The following GALNT14 variants were observed in gnomAD, a reference collection of about 807,000 sequenced individuals.
The protein encoded by GALNT14 is UDP-GalNAc:polypeptide N-acetylgalactosaminyltransferase 14.
A neutral mutation model predicts 77.5 loss-of-function variants in GALNT14; 60 were observed. The observed-to-expected ratio is 0.77, with a 90% CI of 0.63 to 0.96. GALNT14 has a LOEUF of 0.96. GALNT14 is among the 40% of genes least tolerant of loss of function. GALNT14 has a pLI of 0.00. For synonymous variants in GALNT14, 280 were observed against 281.7 expected (o/e 0.99, Z 0.06); for missense variants, 710 against 731.0 (o/e 0.97, Z 0.33).
At chr2:31,038,468 T>G (rs1672901055) in intron 1 of GALNT14, among the ~76,000 whole-genome samples, 1 of 151,514 alleles carries the variant, frequency 6.6e-6, no homozygotes, top group Non-Finnish European at 1.5e-5. Context: ...CCTGGTTAAA[T>G]AAAGAGAAGC....
chr2:31,085,494 A>C (rs1676383535), intron 1 of GALNT14, among the ~76,000 whole-genome samples: 1 of 152,270 alleles, frequency 6.6e-6, no homozygotes, highest in Admixed American at 6.5e-5. Context: ...CAGGAGGCAC[A>C]TGGAGTAGGC....
intron 10 of GALNT14, among the ~76,000 whole-genome samples, chr2:30,929,939 C>T (rs1558414017): frequency 6.6e-6 from 1 of 152,164 alleles, no homozygotes; most frequent in Non-Finnish European, 1.5e-5. Context: ...TGTCTACCTG[C>T]ATTTTGACTG....
At chr2:31,033,697 G>A (rs545529650) in intron 1 of GALNT14, among the ~76,000 whole-genome samples, 3 of 151,844 alleles carry the variant, frequency 2.0e-5, no homozygotes, top group African/African-American at 4.8e-5. Context: ...CTTCTCCAGC[G>A]AGTGAGTCTT....
intron 1 of GALNT14, among the ~76,000 whole-genome samples, chr2:31,010,764 C>G (rs1670978371): frequency 6.6e-6 from 1 of 152,212 alleles, no homozygotes; most frequent in African/African-American, 2.4e-5. Flanking sequence ...TACCCCTCCC[C>G]ATCCCTCTTA....
intron 14 of GALNT14, among the ~76,000 whole-genome samples, chr2:30,911,789 CA>C (rs1334647616): frequency 1.3e-5 from 2 of 152,224 alleles, no homozygotes; most frequent in African/African-American, 4.8e-5. Flanking sequence ...ATGGAGACAT[CA>C]CTTTGCTGCT....
At chr2:30,941,464 G>A (rs1379749213) in intron 9 of GALNT14, among the ~76,000 whole-genome samples, 1 of 152,220 alleles carries the variant, frequency 6.6e-6, no homozygotes, top group African/African-American at 2.4e-5. Context: ...GCCCCAAGAA[G>A]TAGAGCTAGT....
chr2:31,062,880 A>C (rs913760907), intron 1 of GALNT14, among the ~76,000 whole-genome samples: 1 of 152,048 alleles, frequency 6.6e-6, no homozygotes, highest in African/African-American at 2.4e-5. Flanking sequence ...GTGTCTGTTC[A>C]TATTCTTCAC....
chr2:31,018,456 T>C (rs1056014161), intron 1 of GALNT14, among the ~76,000 whole-genome samples: 8 of 152,080 alleles, frequency 5.3e-5, no homozygotes, highest in African/African-American at 1.9e-4. Flanking sequence ...CAGAGAGTGG[T>C]AGGCAAATGA....
At chr2:30,940,608 T>C (rs1298759700) in intron 9 of GALNT14, among the ~76,000 whole-genome samples, 3 of 152,222 alleles carry the variant, frequency 2.0e-5, no homozygotes, top group Admixed American at 2.0e-4. Flanking sequence ...ATTCATCTGA[T>C]GGCTGAGAGA....
chr2:31,012,244 G>A (rs955987555), intron 1 of GALNT14, among the ~76,000 whole-genome samples: 2 of 152,132 alleles, frequency 1.3e-5, no homozygotes, highest in Non-Finnish European at 2.9e-5. Flanking sequence ...TGCAAGTACT[G>A]CCCTGGACTT....
intron 1 of GALNT14, among the ~76,000 whole-genome samples, chr2:31,021,581 T>G (rs947076573): frequency 1.3e-5 from 2 of 152,132 alleles, no homozygotes; most frequent in African/African-American, 4.8e-5. Flanking sequence ...GCTGGGATTA[T>G]AGGCATGAGC....
chr2:30,979,061 T>A (rs1668822791), intron 2 of GALNT14, among the ~76,000 whole-genome samples: 2 of 152,130 alleles, frequency 1.3e-5, no homozygotes, highest in South Asian at 4.1e-4. Flanking sequence ...CATGGCCTGA[T>A]GGGGGCGGCC....
intron 1 of GALNT14, among the ~76,000 whole-genome samples, chr2:31,103,484 G>A (rs534557088): frequency 2.1e-3 from 156 of 75,454 alleles, no homozygotes; most frequent in Admixed American, 6.4e-3. Context: ...GTATAGAGAA[G>A]AAGGAAACAC....
intron 1 of GALNT14, among the ~76,000 whole-genome samples, chr2:31,110,735 C>A (rs921818024): frequency 6.6e-6 from 1 of 152,116 alleles, no homozygotes. Context: ...ACCATCTGTT[C>A]TAAAACTGGG....
chr2:30,935,111 C>A (rs1665972302), intron 9 of GALNT14, among the ~76,000 whole-genome samples: 1 of 152,178 alleles, frequency 6.6e-6, no homozygotes, highest in African/African-American at 2.4e-5. Context: ...GCCAGGCAGG[C>A]AGTAGCTGAT....
At chr2:31,002,303 G>A (rs888770324) in intron 1 of GALNT14, among the ~76,000 whole-genome samples, 1 of 151,998 alleles carries the variant, frequency 6.6e-6, no homozygotes, top group Non-Finnish European at 1.5e-5. Context: ...GGTGATGTGC[G>A]CCCGTGGTCC....
intron 1 of GALNT14, among the ~76,000 whole-genome samples, chr2:31,134,340 G>C (rs189235788): frequency 3.3e-5 from 5 of 152,206 alleles, no homozygotes; most frequent in African/African-American, 1.2e-4. Context: ...AAGATGCCTA[G>C]AGGCCTGAGC....
chr2:31,127,248 G>A (rs745342410), intron 1 of GALNT14, among the ~76,000 whole-genome samples: 10 of 152,076 alleles, frequency 6.6e-5, no homozygotes, highest in Non-Finnish European at 8.8e-5. Context: ...GATGAATTTC[G>A]CCTGTTCTTG....
intron 1 of GALNT14, among the ~76,000 whole-genome samples, chr2:31,031,642 A>G (rs1672420604): frequency 6.6e-6 from 1 of 152,188 alleles, no homozygotes; most frequent in Non-Finnish European, 1.5e-5. Context: ...CACCTTGTTG[A>G]CACATTCACA....
Sources: gnomAD v4.1 joint callset for allele counts (sites outside exome capture counted in the v4.1 genomes callset) on GRCh38, gnomAD v4.1.1 for gene constraint, MANE v1.5 for transcripts, NCBI Gene and HGNC (gene_info 2026-07-23, HGNC 2026-07-21) for gene names.